GSTA5: variants seen among roughly 807,000 people sequenced by gnomAD.
The protein encoded by GSTA5 is glutathione S-transferase alpha 5.
GSTA5 carries 25 observed loss-of-function variants against 21.8 expected under a neutral mutation model. The ratio of observed to expected loss-of-function variants is 1.14; its 90% CI spans 0.83 to 1.60. GSTA5 has a LOEUF of 1.60. Ranked by LOEUF, GSTA5 falls within the 40% of genes most tolerant of loss-of-function variation. GSTA5 has a pLI of 0.00. For synonymous variants in GSTA5, 102 were observed against 89.5 expected, an observed-to-expected ratio of 1.14 and a Z score of -0.78; for missense variants, 330 against 259.2, an observed-to-expected ratio of 1.27 and a Z score of -1.88.
chr6:52,839,296 A>G (rs1323755155), intron 1 of GSTA5, among the ~76,000 whole-genome samples: 4 of 152,088 alleles, frequency 2.6e-5, no homozygotes, highest in Non-Finnish European at 5.9e-5. Context: ...AGACCTGGGA[A>G]CCTGGGTTCC....
upstream of GSTA5, among the ~76,000 whole-genome samples, chr6:52,842,439 G>GT (rs1056090267): frequency 1.6e-4 from 14 of 86,072 alleles, no homozygotes; most frequent in Admixed American, 3.9e-4. Flanking sequence ...GAGTTTTACT[G>GT]TTTTTTTCCC....
chr6:52,832,224 T>C (rs776240511), intron 5 of GSTA5, among the ~76,000 whole-genome samples: 44 of 152,198 alleles, frequency 2.9e-4, no homozygotes, highest in Non-Finnish European at 5.4e-4. Flanking sequence ...TACATATTAA[T>C]CCTGTAGATT....
In GSTA5 at chr6:52,831,836, A is replaced by G. The variant is rs1319502792; in HGVS notation, c.*12T>C. On this transcript the variant is annotated 3_prime_UTR_variant, in exon 6 of 6. Transcript: ENST00000370989. Reference sequence around the variant, plus strand: ...TTGGTCTGGCATGTTCTTGGCCTCCATAGCTGCTTTATTAAAACCTGAAAA... The same window carrying G: ...TTGGTCTGGCATGTTCTTGGCCTCCGTAGCTGCTTTATTAAAACCTGAAAA... 1.9e-6 allele frequency: 3 copies of G among 1,613,796 alleles called. No individual in the cohort carries two copies. Among genetic ancestry groups the G allele is most frequent in the African/African-American group, 2.7e-5 (2 of 74,922 alleles).
intron 3 of GSTA5, 32 bp from the exon 4 acceptor site, chr6:52,834,314 G>A: frequency 6.3e-7 from 1 of 1,586,674 alleles, no homozygotes; most frequent in Non-Finnish European, 8.6e-7. Flanking sequence ...ACCATCAAAT[G>A]CCTTTTGCCT....
At chr6:52,836,189 A>G in intron 3 of GSTA5, 47 bp downstream of exon 3, 1 of 1,603,796 alleles carries the variant, frequency 6.2e-7, no homozygotes. Context: ...AAGGACTTAA[A>G]TCACTCTGTG....
At chr6:52,834,842 T>C (rs1764270170) in intron 3 of GSTA5, among the ~76,000 whole-genome samples, 2 of 152,248 alleles carry the variant, frequency 1.3e-5, no homozygotes, top group African/African-American at 2.4e-5. Context: ...TCCACAGCCC[T>C]CTCCATGTGC....
chr6:52,840,785 G>C (rs757242778), exon 1 of GSTA5: 5 of 1,613,986 alleles, frequency 3.1e-6, no homozygotes, highest in East Asian at 2.2e-5. Context: ...CCGTGCATTG[G>C]AGTAGTGGAG....
At chr6:52,840,681 A>G in intron 1 of GSTA5, 46 bp downstream of exon 1, 7 of 1,527,898 alleles carry the variant, frequency 4.6e-6, no homozygotes, top group Non-Finnish European at 6.3e-6. Context: ...AGTATGTGAT[A>G]ACGCAATTTT....
chr6:52,842,842 G>A (rs952259379), upstream of GSTA5, among the ~76,000 whole-genome samples: 5 of 152,104 alleles, frequency 3.3e-5, no homozygotes, highest in Non-Finnish European at 7.4e-5. Flanking sequence ...ATGCTGGTTT[G>A]CTGCACCTTT....
At chr6:52,834,411 G>A (rs1045807136) in intron 3 of GSTA5, 129 bp from the exon 4 acceptor site, 6 of 783,444 alleles carry the variant, frequency 7.7e-6, no homozygotes, top group East Asian at 2.5e-5. Flanking sequence ...CCTTTTATAC[G>A]CTAGTCATTA....
At chr6:52,835,704 T>C (rs9382145) in intron 3 of GSTA5, among the ~76,000 whole-genome samples, 149,929 of 152,266 alleles carry the variant, frequency 0.98, 73,862 homozygotes, top group East Asian at 1. Flanking sequence ...TCTATCCATG[T>C]GTCAAGGTAA....
chr6:52,840,461 A>AT (rs1283649896), intron 1 of GSTA5, among the ~76,000 whole-genome samples: 3 of 152,292 alleles, frequency 2.0e-5, no homozygotes, highest in East Asian at 3.9e-4. Flanking sequence ...GCCATAAATT[A>AT]TTTTTTACAG....
chr6:52,836,763 C>T (rs1161017274), intron 2 of GSTA5, among the ~76,000 whole-genome samples: 1 of 152,230 alleles, frequency 6.6e-6, no homozygotes. Flanking sequence ...CCACCCGCCT[C>T]AGCCTCTCGA....
chr6:52,832,253 C>T (rs962325402), intron 5 of GSTA5, among the ~76,000 whole-genome samples: 1 of 152,078 alleles, frequency 6.6e-6, no homozygotes, highest in South Asian at 2.1e-4. Context: ...TTGTATAAGA[C>T]AAGAAAAATC....
At chr6:52,833,730 T>C (rs1561925844) in intron 4 of GSTA5, among the ~76,000 whole-genome samples, 1 of 152,218 alleles carries the variant, frequency 6.6e-6, no homozygotes, top group East Asian at 1.9e-4. Context: ...GGGCAATTGG[T>C]TTCCTGTCTT....
At chr6:52,839,440 A>T (rs1764341443) in intron 1 of GSTA5, among the ~76,000 whole-genome samples, 1 of 152,194 alleles carries the variant, frequency 6.6e-6, no homozygotes, top group African/African-American at 2.4e-5. Flanking sequence ...ACAACCTAGA[A>T]TGATAGTGTT....
chr6:52,836,159 A>C, intron 3 of GSTA5, 77 bp downstream of exon 3: 3 of 1,527,122 alleles, frequency 2.0e-6, no homozygotes, highest in Non-Finnish European at 2.7e-6. Flanking sequence ...ATGCCCTGCC[A>C]TGGTCCCACC....
chr6:52,837,325 G>A (rs185162862), intron 2 of GSTA5, among the ~76,000 whole-genome samples: 4 of 152,238 alleles, frequency 2.6e-5, no homozygotes, highest in South Asian at 2.1e-4. Flanking sequence ...GGCTTTCCCC[G>A]GGGGCGGGAT....
chr6:52,836,863 T>G (rs1764301263), intron 2 of GSTA5, among the ~76,000 whole-genome samples: 1 of 152,226 alleles, frequency 6.6e-6, no homozygotes. Context: ...CTTAAGCAGC[T>G]TCCTTCTACT....
Sources: gnomAD v4.1 joint callset for allele counts (sites outside exome capture counted in the v4.1 genomes callset) on GRCh38, gnomAD v4.1.1 for gene constraint, MANE v1.5 for transcripts, NCBI Gene and HGNC (gene_info 2026-07-23, HGNC 2026-07-21) for gene names.